Variants in LOXHD1 observed in about 807,000 individuals in gnomAD.
LOXHD1 encodes lipoxygenase homology domain-containing protein 1.
Under a neutral mutation model 248.2 loss-of-function variants are expected in LOXHD1, and 205 were observed. The observed-to-expected ratio is 0.83, with a 90% CI of 0.74 to 0.93. The LOEUF is 0.93. Among genes scored for constraint, LOXHD1 ranks in the 40% least tolerant of loss-of-function variants. LOXHD1 has a pLI of 0.00. For missense variants in LOXHD1, 2,930 were observed against 2,971.6 expected (o/e 0.99, Z 0.33); for synonymous variants, 1,113 against 1,162.8 (o/e 0.96, Z 0.87).
rs375146333 is a variant in LOXHD1, at chr18:46,529,318, C to T, written c.4389G>A (p.Ser1463=). The change falls in exon 29 of 41, where the codon TCG becomes TCA. Residue 1463 remains serine, a synonymous_variant. Coordinates refer to ENST00000642948, the MANE Select transcript of LOXHD1 (RefSeq NM_001384474.1). ...GAATGTTCCCTGTGAAGATCTGCAC[C>T]GAGTACAGCACAACTGGGCAGGTGG... is the stretch of plus-strand genomic sequence containing the variant. The part of the protein sequence containing the change: ...VEEPLDIVLY[S]VQIFTGNIPG... 8.7e-5 allele frequency: 135 copies of T among 1,547,548 alleles called. No individual in the cohort carries two copies. The highest frequency in any genetic ancestry group is 1.0e-4 in the Non-Finnish European group (117 of 1,144,088).
Position 46,522,200 on chromosome 18 carries a change from G to T in LOXHD1, c.4986C>A (p.Ile1662=). 1 of 1,551,774 alleles carries T rather than the reference G, an allele frequency of 6.4e-7. No homozygotes were observed. Among genetic ancestry groups the T allele is most frequent in the Non-Finnish European group, 8.7e-7 (1 of 1,147,010 alleles). The change falls in exon 32 of 41, where the codon ATC becomes ATA. Residue 1662 remains isoleucine (I), a synonymous_variant. Transcript: ENST00000642948. ...TCTTCCCTCGGGGGTAGTCCAACCA[G>T]ATGCGCTTACTACGTTCATCATCCT... ...IGEDDERSKR[I]WLDYPRGKRG... is the part of the protein sequence containing the mutation.
chr18:46,477,492 C>T lies in LOXHD1; in HGVS notation c.6802G>A (p.Asp2268Asn). ...KKRGDGLTWR[D>N]LFPSV Reference sequence around the variant, plus strand: ...GCCCCTCAGACAGAAGGGAAGAGGTCTCTCCAGGTGAGTCCATCCCCCCGC... The same window carrying T: ...GCCCCTCAGACAGAAGGGAAGAGGTTTCTCCAGGTGAGTCCATCCCCCCGC... Residue 2268 changes from aspartate (D) to asparagine (N), a missense_variant, in exon 41 of 41, where the codon GAC (aspartate) becomes AAC (asparagine). Physicochemically the swap from Asp to Asn is conservative, Grantham distance 23. Coordinates refer to ENST00000642948, the MANE Select transcript of LOXHD1 (RefSeq NM_001384474.1). 6.5e-7 allele frequency: 1 copy of T among 1,548,086 alleles called. No individual in the cohort carries two copies. The highest frequency in any genetic ancestry group is 8.7e-7 in the Non-Finnish European group (1 of 1,145,018).
intron 18 of LOXHD1, among the ~76,000 whole-genome samples, chr18:46,562,034 A>C (rs1181994262): frequency 1.3e-5 from 2 of 152,364 alleles, no homozygotes; most frequent in East Asian, 3.9e-4. Flanking sequence ...TCCCAAGTGC[A>C]TTCCCTGACA....
chr18:46,601,363 C>T lies in LOXHD1; in HGVS notation c.988G>A (p.Gly330Arg). 1 of 1,551,706 alleles carries T rather than the reference C, an allele frequency of 6.4e-7. No individual in the cohort carries two copies. Among genetic ancestry groups the T allele is most frequent in the Non-Finnish European group, 8.7e-7 (1 of 1,146,996 alleles). Residue 330 changes from glycine (G) to arginine (R), a missense_variant, in exon 8 of 41, where the codon GGG (glycine) becomes AGG (arginine). Physicochemically the swap from Gly to Arg is moderately radical, Grantham distance 125. Transcript: ENST00000642948. ...MYGARGNKNS[G>R]KIFLEGGVFD... ...ACGCCGCCCTCCAGGAAGATTTTCC[C>T]ACTGTTCTTATTCCCTCTGGCCCCA...
chr18:46,598,877 G>A (rs1302415439), intron 8 of LOXHD1, among the ~76,000 whole-genome samples: 3 of 152,088 alleles, frequency 2.0e-5, no homozygotes, highest in South Asian at 2.1e-4. Flanking sequence ...TCTTTCAAAC[G>A]AATCTATAGG....
chr18:46,569,255 G>A (rs1303159689), intron 16 of LOXHD1, among the ~76,000 whole-genome samples, 187 bp downstream of exon 16: 2 of 152,186 alleles, frequency 1.3e-5, no homozygotes, highest in African/African-American at 4.8e-5. Context: ...CTAGGTCACA[G>A]CTAAAAAACT....
At chr18:46,591,871 C>T (rs2038175119) in intron 12 of LOXHD1, 62 bp downstream of exon 12, 6 of 1,542,860 alleles carry the variant, frequency 3.9e-6, no homozygotes, top group Non-Finnish European at 5.3e-6. Context: ...TAGGTCAGGC[C>T]CATCGGGACA....
chr18:46,538,199 T>C lies in LOXHD1; in HGVS notation c.4052A>G (p.Lys1351Arg). Residue 1351 changes from lysine (K) to arginine (R), a missense_variant, in exon 26 of 41, where the codon AAG becomes AGG. Coordinates refer to ENST00000642948, the MANE Select transcript of LOXHD1 (RefSeq NM_001384474.1). ...GGCAGACTTCCTCTCAAAGAACTGCTTCTGTTCCCTCTTGTTGGTACACAG... is the reference window on the plus strand; with the variant it reads ...GGCAGACTTCCTCTCAAAGAACTGCCTCTGTTCCCTCTTGTTGGTACACAG... ...KYLCTNKREQ[K>R]QFFERKSASR... 6.5e-7 allele frequency: 1 copy of C among 1,540,328 alleles called. No individual in the cohort carries two copies. Among genetic ancestry groups the C allele is most frequent in the Non-Finnish European group, 8.8e-7 (1 of 1,137,260 alleles).
intron 14 of LOXHD1, among the ~76,000 whole-genome samples, chr18:46,576,289 G>A (rs1360836301): frequency 2.6e-5 from 4 of 152,130 alleles, no homozygotes; most frequent in Non-Finnish European, 5.9e-5. Context: ...GGGTGAAAAC[G>A]CCAGTAATGA....
intron 34 of LOXHD1, among the ~76,000 whole-genome samples, chr18:46,517,358 T>C (rs1013835292): frequency 1.3e-5 from 2 of 152,194 alleles, no homozygotes; most frequent in African/African-American, 4.8e-5. Context: ...TAGTTTGCAG[T>C]GCCACAGCTT....
At chr18:46,538,080 T>C in intron 26 of LOXHD1, 76 bp downstream of exon 26, 3 of 1,333,678 alleles carry the variant, frequency 2.2e-6, no homozygotes, top group Non-Finnish European at 3.1e-6. Flanking sequence ...GCATGTGTTC[T>C]GCCCTGAAGG....
chr18:46,571,859 G>A (rs1394249292), intron 15 of LOXHD1, among the ~76,000 whole-genome samples: 4 of 152,234 alleles, frequency 2.6e-5, no homozygotes, highest in African/African-American at 4.8e-5. Context: ...CATCACTCTC[G>A]TTGACCCATA....
chr18:46,497,617 G>A (rs2033954446), intron 37 of LOXHD1, among the ~76,000 whole-genome samples: 1 of 152,036 alleles, frequency 6.6e-6, no homozygotes, highest in Non-Finnish European at 1.5e-5. Flanking sequence ...AAAAAGACAG[G>A]GAAGGGTCTG....
intron 22 of LOXHD1, among the ~76,000 whole-genome samples, chr18:46,546,498 C>CATTTCATTCCACTCT (rs1568168049): frequency 1.4e-5 from 2 of 143,140 alleles, no homozygotes; most frequent in East Asian, 4.3e-4. Flanking sequence ...CATTCCATTC[C>CATTTCATTCCACTCT]ACTCCACTCC....
chr18:46,542,516 T>C (rs942476055), intron 24 of LOXHD1, among the ~76,000 whole-genome samples: 1 of 152,198 alleles, frequency 6.6e-6, no homozygotes, highest in Non-Finnish European at 1.5e-5. Flanking sequence ...AAATCACCAG[T>C]GTCCAGGTAC....
rs547346494 is a variant in LOXHD1 at position 46,520,179 on chromosome 18, G to A, written c.5271+918C>T. ...GCTGCTCTCTGAGTCTCTAGCAGGC[G>A]AGAGGCAGGAGAGTGGCAGGCCCCC... is the stretch of plus-strand genomic sequence containing the variant. On this transcript the variant is annotated intron_variant, in intron 33 of 40. Transcript: ENST00000642948. 1.5e-3 allele frequency: 692 copies of A among 460,608 alleles called. 9 individuals are homozygous for A. Among genetic ancestry groups the A allele is most frequent in the South Asian group, 0.01 (673 of 64,432 alleles). 28.5% of individuals were successfully genotyped at this position (460,608 alleles called of 1,614,324 possible).
intron 20 of LOXHD1, chr18:46,557,855 G>A (rs1202617080): frequency 8.1e-7 from 1 of 1,231,796 alleles, no homozygotes; most frequent in Non-Finnish European, 1.0e-6. Flanking sequence ...TGCAATGTGT[G>A]CAGGTGTGTG....
At chr18:46,483,413 T>C (rs1209039986) in intron 40 of LOXHD1, among the ~76,000 whole-genome samples, 174 bp downstream of exon 40, 1 of 152,130 alleles carries the variant, frequency 6.6e-6, no homozygotes, top group African/African-American at 2.4e-5. Flanking sequence ...TCCAGATAGC[T>C]TCAGAAGCAT....
intron 37 of LOXHD1, among the ~76,000 whole-genome samples, chr18:46,505,385 T>C (rs2034495931): frequency 6.6e-6 from 1 of 152,154 alleles, no homozygotes; most frequent in Non-Finnish European, 1.5e-5. Flanking sequence ...TCTCACAATG[T>C]TGTTTAGGCT....
Sources: gnomAD v4.1 joint callset for allele counts (sites outside exome capture counted in the v4.1 genomes callset) on GRCh38, gnomAD v4.1.1 for gene constraint, MANE v1.5 for transcripts, NCBI Gene and HGNC (gene_info 2026-07-23, HGNC 2026-07-21) for gene names.